The following GTF2A1L variants were observed in gnomAD, a reference collection of about 807,000 sequenced individuals.
The protein encoded by GTF2A1L is general transcription factor IIA subunit 1 like.
A neutral mutation model predicts 49.7 loss-of-function variants in GTF2A1L; 48 were observed. The observed-to-expected ratio is 0.97, with a 90% CI of 0.77 to 1.23. The LOEUF is 1.23. GTF2A1L is among the 50% of genes most tolerant of loss of function. The pLI, the probability that GTF2A1L is intolerant of heterozygous loss-of-function variation, is 0.00. For missense variants in GTF2A1L, 736 were observed against 564.8 expected (o/e 1.30, Z -3.07); for synonymous variants, 246 against 193.5 (o/e 1.27, Z -2.25).
Position 48,642,455 on chromosome 2 carries a change from C to G in GTF2A1L, c.301C>G (p.Leu101Val), listed in dbSNP as rs1435087422. 1.3e-6 allele frequency: 2 copies of G among 1,587,680 alleles called. No individual in the cohort carries two copies. The highest frequency in any genetic ancestry group is 4.5e-5 in the East Asian group (2 of 44,474). The stretch of plus-strand genomic sequence containing the variant: ...TCTTCCAAGTTTTACCACAGCAGAA[C>G]TGGTATGTAGCTTACTTAAAATATA... Reference protein sequence around the residue: ...RTLPSFTTAELGTSNSSANFT... With the variant: ...RTLPSFTTAEVGTSNSSANFT... Residue 101 changes from leucine (L) to valine (V), a missense_variant and splice_region_variant, in exon 4 of 9, where the codon CTG (leucine) becomes GTG (valine). By Grantham distance (32) the Leu-to-Val change is conservative. Transcript: ENST00000403751.
chr2:48,644,791 C>T (rs1157857678), intron 4 of GTF2A1L, among the ~76,000 whole-genome samples: 1 of 152,168 alleles, frequency 6.6e-6, no homozygotes, highest in Non-Finnish European at 1.5e-5. Context: ...AATGTTTATA[C>T]TGTTCATTAG....
intron 3 of GTF2A1L, among the ~76,000 whole-genome samples, chr2:48,627,985 T>A (rs927064049): frequency 1.4e-5 from 2 of 144,298 alleles, no homozygotes; most frequent in African/African-American, 4.9e-5. Flanking sequence ...TATTTGTTTT[T>A]CTGTTCCTGC....
chr2:48,656,176 A>C (rs1678157669), intron 6 of GTF2A1L, among the ~76,000 whole-genome samples: 1 of 151,980 alleles, frequency 6.6e-6, no homozygotes, highest in Non-Finnish European at 1.5e-5. Flanking sequence ...TCCTGTCTTT[A>C]ATTTTTTCGG....
chr2:48,618,998 C>T lies in GTF2A1L; in HGVS notation c.21+1103C>T, dbSNP rs1003418421. ...ACACTAGCTGGGACTACCACTGAAG[C>T]ATCAATTTAGTATGCCTTTATCAGG... On this transcript the variant is annotated intron_variant, in intron 1 of 8. Coordinates refer to ENST00000403751, the MANE Select transcript of GTF2A1L (RefSeq NM_006872.5). 2.0e-5 allele frequency among the ~76,000 whole-genome samples: 3 copies of T among 152,178 alleles called. No homozygotes were observed. In the South Asian group the frequency reaches 6.2e-4, roughly 31 times the overall value.
chr2:48,676,898 T>A (rs1311409308), intron 8 of GTF2A1L, among the ~76,000 whole-genome samples: 1 of 151,042 alleles, frequency 6.6e-6, no homozygotes, highest in African/African-American at 2.4e-5. Flanking sequence ...TCTTGGTGTA[T>A]AATGTAACAT....
Position 48,626,798 on chromosome 2 carries a change from T to G in GTF2A1L, c.247+5508T>G, listed in dbSNP as rs1676319806. ...CATACTGCCCAGGCTGGTCTCAAAC[T>G]CCTGAGTTCAAGCAATCCACCTACC... On this transcript the variant is annotated intron_variant, in intron 3 of 8. Coordinates refer to ENST00000403751, the MANE Select transcript of GTF2A1L (RefSeq NM_006872.5). Among the ~76,000 whole-genome samples, 2 of 144,606 alleles carry G rather than the reference T, an allele frequency of 1.4e-5. 1 individual carries two copies. The highest frequency in any genetic ancestry group is 3.1e-5 in the Non-Finnish European group (2 of 64,158). The allele number at this position is 144,606 out of a possible 152,430, so 94.9% of individuals were successfully genotyped here. A position where few individuals can be genotyped will look rare whatever the true frequency, so the allele number is the denominator to read the frequency against.
chr2:48,662,835 C>T (rs1378324795), intron 6 of GTF2A1L, among the ~76,000 whole-genome samples: 1 of 151,934 alleles, frequency 6.6e-6, no homozygotes, highest in Non-Finnish European at 1.5e-5. Context: ...ACCACATGTT[C>T]TCACTTATAA....
At chr2:48,637,631 G>C (rs1332653102) in intron 3 of GTF2A1L, among the ~76,000 whole-genome samples, 1 of 152,042 alleles carries the variant, frequency 6.6e-6, no homozygotes, top group Non-Finnish European at 1.5e-5. Context: ...AATTAGAGCT[G>C]AACTGAAGGA....
intron 3 of GTF2A1L, among the ~76,000 whole-genome samples, chr2:48,635,920 A>G (rs941453940): frequency 1.3e-5 from 2 of 152,112 alleles, no homozygotes; most frequent in African/African-American, 4.8e-5. Context: ...AGGAAAAAAA[A>G]AGTTCTCCCT....
intron 3 of GTF2A1L, among the ~76,000 whole-genome samples, chr2:48,624,406 T>C (rs878935302): frequency 6.9e-6 from 1 of 144,212 alleles, no homozygotes; most frequent in Admixed American, 7.0e-5. Context: ...TTCTTATCTA[T>C]TTCTATTTAT....
chr2:48,618,616 A>G (rs1675795493), intron 1 of GTF2A1L, among the ~76,000 whole-genome samples: 1 of 152,236 alleles, frequency 6.6e-6, no homozygotes, highest in African/African-American at 2.4e-5. Context: ...TATATGCAGT[A>G]TAACAGCTCC....
intron 6 of GTF2A1L, among the ~76,000 whole-genome samples, chr2:48,666,412 T>C (rs1363744679): frequency 6.6e-6 from 1 of 152,158 alleles, no homozygotes; most frequent in Non-Finnish European, 1.5e-5. Context: ...GGTTTCACCA[T>C]ATTGACCAGA....
chr2:48,647,044 T>C lies in GTF2A1L; in HGVS notation c.978+2T>C, dbSNP rs747414665. 2 of 1,586,766 alleles carry C rather than the reference T, an allele frequency of 1.3e-6. No homozygotes were observed. Among genetic ancestry groups the C allele is most frequent in the African/African-American group, 2.7e-5 (2 of 74,094 alleles). ...AGCAACATACCTGTATCAGAGAAGG[T>C]ATAGTTCTGTGTCCAACTTCTTGGT... On this transcript the variant is annotated splice_donor_variant, in intron 6 of 8. Coordinates refer to ENST00000403751, the MANE Select transcript of GTF2A1L (RefSeq NM_006872.5). LOFTEE classifies it high-confidence loss of function.
chr2:48,679,481 T>C lies in GTF2A1L; in HGVS notation c.*39T>C, dbSNP rs1679653950. On this transcript the variant is annotated 3_prime_UTR_variant, in exon 9 of 9. Transcript: ENST00000403751. Reference sequence around the variant, plus strand: ...AGTACATCTATTTTGTGAACATCAGTTGGATTATATTGCATATTGTGAATT... The same window carrying C: ...AGTACATCTATTTTGTGAACATCAGCTGGATTATATTGCATATTGTGAATT... The C allele has an allele frequency of 1.2e-6, 2 of 1,606,654 alleles. No individual in the cohort carries two copies. Among genetic ancestry groups the C allele is most frequent in the Non-Finnish European group, 1.7e-6 (2 of 1,177,446 alleles).
At chr2:48,631,001 A>T (rs6739692) in intron 3 of GTF2A1L, among the ~76,000 whole-genome samples, 47,260 of 151,934 alleles carry the variant, frequency 0.31, 7,546 homozygotes, top group African/African-American at 0.33. Flanking sequence ...ACTTTTGATG[A>T]GCTGCTGGGT....
chr2:48,669,661 G>T (rs1679057365), intron 6 of GTF2A1L, 61 bp from the exon 7 acceptor site: 5 of 1,512,204 alleles, frequency 3.3e-6, no homozygotes, highest in Non-Finnish European at 3.5e-6. Flanking sequence ...TTTAAATTTG[G>T]ATTCAATATT....
chr2:48,641,167 A>G (rs1225915699), intron 3 of GTF2A1L, among the ~76,000 whole-genome samples: 4 of 152,212 alleles, frequency 2.6e-5, no homozygotes, highest in Non-Finnish European at 4.4e-5. Context: ...GCTATTACTT[A>G]AGCTGCAGCA....
rs75875980 is a variant in GTF2A1L, at chr2:48,625,869, G to A, written c.247+4579G>A. 7.9e-3 allele frequency among the ~76,000 whole-genome samples: 1,135 copies of A among 143,896 alleles called. 107 individuals are homozygous for A. Among genetic ancestry groups the A allele is most frequent in the African/African-American group, 0.026 (1,052 of 40,478 alleles). 94.4% of individuals were successfully genotyped at this position (143,896 alleles called of 152,430 possible). A position where few individuals can be genotyped will look rare whatever the true frequency, so the allele number is the denominator to read the frequency against. On this transcript the variant is annotated intron_variant, in intron 3 of 8. Coordinates refer to ENST00000403751, the MANE Select transcript of GTF2A1L (RefSeq NM_006872.5). ...AAGTGCTGGGATTACAGATGTGAGCGACTGTGCCTGGCTTATTTATTTTCG... is the reference window on the plus strand; with the variant it reads ...AAGTGCTGGGATTACAGATGTGAGCAACTGTGCCTGGCTTATTTATTTTCG...
intron 3 of GTF2A1L, among the ~76,000 whole-genome samples, chr2:48,622,981 G>T (rs888817326): frequency 6.6e-6 from 1 of 151,690 alleles, no homozygotes; most frequent in Non-Finnish European, 1.5e-5. Context: ...TTTTTACTCA[G>T]CTCCTTATTC....
Sources: gnomAD v4.1 joint callset for allele counts (sites outside exome capture counted in the v4.1 genomes callset) on GRCh38, gnomAD v4.1.1 for gene constraint, MANE v1.5 for transcripts, NCBI Gene and HGNC (gene_info 2026-07-23, HGNC 2026-07-21) for gene names.